The following CLDN2 variants were observed in gnomAD, a reference collection of about 807,000 sequenced individuals.
CLDN2 encodes the protein claudin 2, also known as claudin-2.
Under a neutral mutation model 8.2 loss-of-function variants are expected in CLDN2, and 1 was observed. The ratio of observed to expected loss-of-function variants is 0.12; its 90% CI spans 0.04 to 0.58. CLDN2 has a LOEUF of 0.58. Ranked by LOEUF, CLDN2 falls within the 20% of genes least tolerant of loss-of-function variation. The pLI is 0.90. For synonymous variants in CLDN2, 70 were observed against 70.2 expected, an observed-to-expected ratio of 1.00 and a Z score of 0.01; for missense variants, 108 against 172.9, an observed-to-expected ratio of 0.62 and a Z score of 2.11.
intron 1 of CLDN2, among the ~76,000 whole-genome samples, chrX:106,927,740 T>C (rs775387698): frequency 8.9e-6 from 1 of 112,141 alleles, no homozygotes; most frequent in Non-Finnish European, 1.9e-5. Flanking sequence ...GCACTGTTGC[T>C]TGGCAATGTA....
chrX:106,924,783 C>T (rs1353473860), intron 1 of CLDN2, among the ~76,000 whole-genome samples: 2 of 99,718 alleles, frequency 2.0e-5, no homozygotes, highest in Non-Finnish European at 4.0e-5. Flanking sequence ...TCTCTCTCCC[C>T]CCTTACCTCT....
chrX:106,907,296 A>T (rs973906221), intron 1 of CLDN2, among the ~76,000 whole-genome samples: 2 of 112,117 alleles, frequency 1.8e-5, no homozygotes, highest in Admixed American at 1.9e-4. Context: ...TTGAATCAGT[A>T]GTTCTTCAAT....
At chrX:106,913,902 G>A (rs1287578350), upstream of CLDN2, among the ~76,000 whole-genome samples, 2 of 105,140 alleles carry the variant, frequency 1.9e-5, no homozygotes, top group Non-Finnish European at 1.9e-5. Flanking sequence ...GCATAGTCAA[G>A]TTTGCATCTC....
intron 1 of CLDN2, among the ~76,000 whole-genome samples, chrX:106,903,668 G>T (rs908684051): frequency 2.7e-5 from 3 of 112,349 alleles, no homozygotes; most frequent in African/African-American, 9.7e-5. Flanking sequence ...CCACAGAGAT[G>T]TCAGGGACAG....
chrX:106,911,328 C>T (rs756212476), intron 1 of CLDN2, among the ~76,000 whole-genome samples: 26 of 111,999 alleles, frequency 2.3e-4, no homozygotes, highest in Admixed American at 1.5e-3. Flanking sequence ...TTCCATCCTG[C>T]TCAGACACCC....
Position 106,907,624 on chromosome X carries a change from C to G in CLDN2, c.-179+7120C>G, listed in dbSNP as rs187570171. ...GCTGAGTCAGGAGAATTGCTTGAAC[C>G]CAGGAGGTGGAGGTTGCAGTGAGCC... is the stretch of plus-strand genomic sequence containing the variant. On this transcript the variant is annotated intron_variant, in intron 1 of 1. Coordinates refer to the CLDN2 transcript ENST00000541806. 1.2e-4 allele frequency among the ~76,000 whole-genome samples: 13 copies of G among 109,083 alleles called. No individual in the cohort carries two copies. In the East Asian group the frequency reaches 3.8e-3, roughly 32 times the overall value. The allele number at this position is 109,083 out of a possible 115,157, so 94.7% of individuals were successfully genotyped here.
upstream of CLDN2, among the ~76,000 whole-genome samples, chrX:106,914,734 AT>A (rs1338148668): frequency 8.9e-6 from 1 of 112,138 alleles, no homozygotes; most frequent in Non-Finnish European, 1.9e-5. Context: ...GTAAGTTTTA[AT>A]TATAAATATG....
chrX:106,908,798 G>T (rs1288707474), intron 1 of CLDN2, among the ~76,000 whole-genome samples: 2 of 110,770 alleles, frequency 1.8e-5, no homozygotes, highest in African/African-American at 3.3e-5. Context: ...CAAATGCATT[G>T]TGTATCAAAT....
At chrX:106,916,915 C>T (rs1021491189), upstream of CLDN2, among the ~76,000 whole-genome samples, 3 of 111,579 alleles carry the variant, frequency 2.7e-5, no homozygotes, top group African/African-American at 3.3e-5. Flanking sequence ...CTGGGCGTGG[C>T]GGCACATGCT....
rs1933083915 is a variant in CLDN2, at chrX:106,900,969, G to A, written c.-179+465G>A. 6 of 1,145,349 alleles carry A rather than the reference G, an allele frequency of 5.2e-6. No individual in the cohort carries two copies. In the Admixed American group the frequency reaches 1.7e-4, roughly 33 times the overall value. 94.4% of individuals were successfully genotyped at this position (1,145,349 alleles called of 1,213,427 possible). On this transcript the variant is annotated intron_variant, in intron 1 of 1. Coordinates refer to the CLDN2 transcript ENST00000541806. ...GTCATATGTGCAGAGGGGCCAGTAGGGCCAAGAAAGAAGCTGGCCCCTAAA... is the reference window on the plus strand; with the variant it reads ...GTCATATGTGCAGAGGGGCCAGTAGAGCCAAGAAAGAAGCTGGCCCCTAAA...
At chrX:106,911,793 T>C (rs749213476) in intron 1 of CLDN2, among the ~76,000 whole-genome samples, 6 of 112,149 alleles carry the variant, frequency 5.4e-5, no homozygotes, top group Non-Finnish European at 9.4e-5. Flanking sequence ...TTCATGTGAA[T>C]GGAATGATGT....
Position 106,901,025 on chromosome X carries a change from G to C in CLDN2, c.-179+521G>C, listed in dbSNP as rs1320157615. 16 of 1,058,057 alleles carry C rather than the reference G, an allele frequency of 1.5e-5. No individual in the cohort carries two copies. In the Admixed American group the frequency reaches 4.6e-4, roughly 31 times the overall value. The allele number at this position is 1,058,057 out of a possible 1,213,427, so 87.2% of individuals were successfully genotyped here. ...TCTCTTGGCTGCAACAATGAGGTCA[G>C]AGGGAAAGGAAGAAAGAAAGTTTTG... On this transcript the variant is annotated intron_variant, in intron 1 of 1. Coordinates refer to the CLDN2 transcript ENST00000541806.
At chrX:106,913,171 T>C (rs1395237752) in intron 1 of CLDN2, among the ~76,000 whole-genome samples, 1 of 111,185 alleles carries the variant, frequency 9.0e-6, no homozygotes, top group East Asian at 2.8e-4. Context: ...CTTGGCTCAC[T>C]GCAACCTCCA....
chrX:106,906,926 C>T (rs936397782), intron 1 of CLDN2, among the ~76,000 whole-genome samples: 5 of 111,493 alleles, frequency 4.5e-5, no homozygotes, highest in African/African-American at 1.6e-4. Context: ...ATCTCTTTCT[C>T]TCCCTCCCTT....
intron 1 of CLDN2, among the ~76,000 whole-genome samples, chrX:106,923,263 G>A (rs1470255633): frequency 4.4e-5 from 5 of 112,573 alleles, no homozygotes; most frequent in South Asian, 7.3e-4. Context: ...GTAAGCCACC[G>A]CACCCGGCTG....
intron 1 of CLDN2, among the ~76,000 whole-genome samples, chrX:106,910,354 T>C (rs1329162998): frequency 4.5e-5 from 5 of 111,370 alleles, no homozygotes; most frequent in African/African-American, 1.6e-4. Flanking sequence ...TATTGTTTTA[T>C]TATTGACTCC....
At chrX:106,911,747 A>C (rs1782251710) in intron 1 of CLDN2, among the ~76,000 whole-genome samples, 1 of 112,162 alleles carries the variant, frequency 8.9e-6, no homozygotes, top group African/African-American at 3.2e-5. Context: ...TCCCATCAGC[A>C]CCTGGCACAG....
intron 1 of CLDN2, among the ~76,000 whole-genome samples, chrX:106,912,581 T>C (rs968728073): frequency 4.6e-5 from 5 of 109,749 alleles, no homozygotes; most frequent in African/African-American, 1.7e-4. Context: ...GCCCAGCTAA[T>C]TGTTTTATTT....
chrX:106,904,950 T>TAAC (rs979383923), intron 1 of CLDN2, among the ~76,000 whole-genome samples: 2 of 111,516 alleles, frequency 1.8e-5, no homozygotes, highest in African/African-American at 6.5e-5. Context: ...TTTCTGGGAG[T>TAAC]AACAGTGGGG....
Sources: gnomAD v4.1 joint callset for allele counts (sites outside exome capture counted in the v4.1 genomes callset) on GRCh38, gnomAD v4.1.1 for gene constraint, MANE v1.5 for transcripts, NCBI Gene and HGNC (gene_info 2026-07-23, HGNC 2026-07-21) for gene names.